The following CHRM3 variants were observed in gnomAD, a reference collection of about 807,000 sequenced individuals.
The protein encoded by CHRM3 is muscarinic acetylcholine receptor M3.
A neutral mutation model predicts 41.8 loss-of-function variants in CHRM3; 11 were observed. That is an observed-to-expected ratio of 0.26 (90% confidence interval 0.17 to 0.44). The LOEUF (loss-of-function observed/expected upper bound fraction) is 0.44, where lower values mean the gene tolerates loss of function less well. Ranked by LOEUF, CHRM3 falls within the 20% of genes least tolerant of loss-of-function variation. The probability of loss-of-function intolerance (pLI) is 1.00; values close to 1 mark genes in which losing one functional copy is unlikely to be tolerated. For synonymous variants in CHRM3, 297 were observed against 301.4 expected (o/e 0.99, Z 0.15); for missense variants, 571 against 745.4 (o/e 0.77, Z 2.72).
intron 1 of CHRM3, among the ~76,000 whole-genome samples, chr1:239,403,948 A>AGAGG (rs1470821514): frequency 9.0e-6 from 1 of 111,114 alleles, no homozygotes; most frequent in Non-Finnish European, 1.8e-5. Flanking sequence ...GGGGAGAGAG[A>AGAGG]GAGGGAGGGA....
In CHRM3 at chr1:239,476,091, T is replaced by A. The variant is rs539261715; in HGVS notation, c.-520-16618T>A. ...CTTTCTAGTTAGTTTTTTTTTTGTA[T>A]CCTAATAAACTATCAGTGGAAATTA... On this transcript the variant is annotated intron_variant, in intron 1 of 6. Transcript: ENST00000676153. Among the ~76,000 whole-genome samples, 7 of 152,146 alleles carry A rather than the reference T, an allele frequency of 4.6e-5. No homozygotes were observed. The South Asian group carries it at 1.4e-3, about 32-fold the overall frequency.
Position 239,896,553 on chromosome 1 carries a change from A to T in CHRM3, c.-19-10880A>T, listed in dbSNP as rs973101309. Among the ~76,000 whole-genome samples, 52 of 152,174 alleles carry T rather than the reference A, an allele frequency of 3.4e-4. 1 individual carries two copies. Among genetic ancestry groups the T allele is most frequent in the Non-Finnish European group, 1.2e-4 (8 of 68,030 alleles). On this transcript the variant is annotated intron_variant, in intron 6 of 6. Transcript: ENST00000676153. ...GAAGTGGGACCTGATTCTTGAAGAG[A>T]TGTGGAGTTTGCCTCATTAATTAGT...
At chr1:239,650,555 T>A (rs1160249398) in intron 4 of CHRM3, among the ~76,000 whole-genome samples, 3 of 152,192 alleles carry the variant, frequency 2.0e-5, no homozygotes, top group Non-Finnish European at 2.9e-5. Flanking sequence ...GAGAAAGTGA[T>A]GTGTGATTTG....
chr1:239,482,590 C>T (rs1046887668), intron 1 of CHRM3, among the ~76,000 whole-genome samples: 6 of 152,264 alleles, frequency 3.9e-5, no homozygotes, highest in Admixed American at 2.0e-4. Context: ...TATTAATATA[C>T]CACTGCCTCC....
intron 5 of CHRM3, among the ~76,000 whole-genome samples, chr1:239,715,209 C>T (rs1662215829): frequency 7.9e-6 from 1 of 127,106 alleles, no homozygotes; most frequent in Admixed American, 8.4e-5. Context: ...GAATTAAAGG[C>T]ATATTTAAAT....
At chr1:239,568,417 C>T (rs1558326132) in intron 3 of CHRM3, among the ~76,000 whole-genome samples, 1 of 152,096 alleles carries the variant, frequency 6.6e-6, no homozygotes, top group Non-Finnish European at 1.5e-5. Flanking sequence ...TTGTCTGCCA[C>T]CATGGAAGAC....
At chr1:239,760,280 G>T (rs570348485) in intron 5 of CHRM3, among the ~76,000 whole-genome samples, 2 of 151,676 alleles carry the variant, frequency 1.3e-5, no homozygotes, top group South Asian at 2.1e-4. Flanking sequence ...ATTTGTCTCC[G>T]CAGTGGGTTC....
At chr1:239,708,913 A>G (rs1135) in intron 5 of CHRM3, among the ~76,000 whole-genome samples, 5,444 of 150,778 alleles carry the variant, frequency 0.036, 152 homozygotes, top group African/African-American at 0.063. Context: ...TTATTTTTTA[A>G]CTCCAATAAA....
chr1:239,724,941 C>T (rs539491190), intron 5 of CHRM3, among the ~76,000 whole-genome samples: 1 of 151,948 alleles, frequency 6.6e-6, no homozygotes, highest in East Asian at 2.0e-4. Flanking sequence ...CATGACCCAC[C>T]CCACCATGCC....
At chr1:239,466,641 T>A (rs996495714) in intron 1 of CHRM3, among the ~76,000 whole-genome samples, 1 of 151,960 alleles carries the variant, frequency 6.6e-6, no homozygotes, top group Non-Finnish European at 1.5e-5. Flanking sequence ...ATTATAATAA[T>A]TTTATAGAAA....
intron 3 of CHRM3, among the ~76,000 whole-genome samples, chr1:239,618,540 A>G (rs185086447): frequency 2.0e-5 from 3 of 151,968 alleles, no homozygotes; most frequent in Admixed American, 2.0e-4. Context: ...ATACATTCCT[A>G]TCACTTAAAA....
rs751213763 is a variant in CHRM3 at position 239,907,865 on chromosome 1, C to T, written c.414C>T (p.Asn138=). The T allele has an allele frequency of 2.5e-6, 4 of 1,614,228 alleles. No homozygotes were observed. In the Admixed American group the frequency reaches 6.7e-5, roughly 27 times the overall value. Residue 138 remains asparagine (N), a synonymous_variant, in exon 7 of 7, where the codon AAC becomes AAT. Transcript: ENST00000676153. This position sits in a 1 kb window ranked among gnomAD's most constrained non-coding sequence, Gnocchi z 5.4. ...YIIMNRWALG[N]LACDLWLAID... ...TCATGAATCGATGGGCCTTAGGGAA[C>T]TTGGCCTGTGACCTCTGGCTTGCCA... is the stretch of plus-strand genomic sequence containing the variant.
chr1:239,546,178 C>T (rs1049740098), intron 3 of CHRM3: 1 of 152,022 alleles, frequency 6.6e-6, no homozygotes, highest in East Asian at 1.9e-4. Flanking sequence ...CACAGATGCA[C>T]CATATTAACA....
intron 1 of CHRM3, among the ~76,000 whole-genome samples, chr1:239,484,269 C>T (rs1354023147): frequency 7.9e-5 from 12 of 152,096 alleles, no homozygotes. Context: ...AGCAGGCATA[C>T]CACTTGGTGA....
At position 239,909,915 on chromosome 1, in the gene CHRM3, T is replaced by C. The variant is rs1680263284; in HGVS notation, c.*691T>C. The C allele has an allele frequency of 6.0e-6, 1 of 167,092 alleles. No homozygotes were observed. The highest frequency in any genetic ancestry group is 2.1e-4 in the South Asian group (1 of 4,826). The allele number at this position is 167,092 out of a possible 1,614,324, so 10.4% of individuals were successfully genotyped here. A position where few individuals can be genotyped will look rare whatever the true frequency, so the allele number is the denominator to read the frequency against. On this transcript the variant is annotated 3_prime_UTR_variant, in exon 7 of 7. Transcript: ENST00000676153. Reference sequence around the variant, plus strand: ...CATGGGAAACACTGAACTGGCAAATTATTCCTGCAACATACGCTTTCAGTA... The same window carrying C: ...CATGGGAAACACTGAACTGGCAAATCATTCCTGCAACATACGCTTTCAGTA...
intron 2 of CHRM3, among the ~76,000 whole-genome samples, chr1:239,539,438 C>T (rs764372641): frequency 3.9e-5 from 6 of 152,108 alleles, no homozygotes; most frequent in South Asian, 4.1e-4. Flanking sequence ...GAGTCTCAGC[C>T]GTCACTCTTA....
At chr1:239,394,560 C>A (rs534341140) in intron 1 of CHRM3, among the ~76,000 whole-genome samples, 1 of 152,248 alleles carries the variant, frequency 6.6e-6, no homozygotes, top group East Asian at 1.9e-4. Context: ...GAGGGACCGC[C>A]ATTCAGACCA....
intron 6 of CHRM3, among the ~76,000 whole-genome samples, chr1:239,864,192 C>G (rs1200378486): frequency 6.6e-6 from 1 of 151,996 alleles, no homozygotes; most frequent in Non-Finnish European, 1.5e-5. Flanking sequence ...ACCCTGCCCC[C>G]CCACCAAAAA....
At position 239,816,001 on chromosome 1, in the gene CHRM3, C is replaced by CT. The variant is rs530646736; in HGVS notation, c.-146-11241dup. 1.2e-3 allele frequency among the ~76,000 whole-genome samples: 179 copies of CT among 149,582 alleles called. 1 individual carries two copies. The highest frequency in any genetic ancestry group is 5.1e-3 in the East Asian group (26 of 5,106). ...ATCAATACATTTCAGTCTGGTTTGT[C>CT]TTTTTTTTTTCTTTTGCTAAAACTT... On this transcript the variant is annotated intron_variant, in intron 5 of 6. Transcript: ENST00000676153.
Sources: allele counts gnomAD v4.1 joint callset (sites outside exome capture counted in the v4.1 genomes callset), GRCh38; gene constraint gnomAD v4.1.1; non-coding constraint Gnocchi (gnomAD v3.1); transcripts MANE v1.5; gene names NCBI Gene and HGNC (gene_info 2026-07-23, HGNC 2026-07-21).